Variants in TRMT44 observed in about 807,000 individuals in gnomAD.
TRMT44 encodes probable tRNA (uracil-O(2)-)-methyltransferase.
In TRMT44, 78 loss-of-function variants were observed where a neutral mutation model predicts 77.3. The observed-to-expected ratio is 1.01, with a 90% CI of 0.84 to 1.22. The LOEUF is 1.22. Ranked by LOEUF, TRMT44 falls within the 50% of genes most tolerant of loss-of-function variation. TRMT44 has a pLI of 0.00. For missense variants in TRMT44, 1,090 were observed against 964.4 expected (o/e 1.13, Z -1.73); for synonymous variants, 391 against 383.3 (o/e 1.02, Z -0.23).
intron 2 of TRMT44, among the ~76,000 whole-genome samples, chr4:8,449,356 C>G (rs936380885): frequency 1.2e-4 from 18 of 152,184 alleles, no homozygotes; most frequent in Non-Finnish European, 2.6e-4. Context: ...TAGGAAAATC[C>G]TTGGACGCTT....
intron 2 of TRMT44, among the ~76,000 whole-genome samples, chr4:8,449,055 C>T (rs552940572): frequency 2.0e-5 from 3 of 152,350 alleles, no homozygotes; most frequent in East Asian, 3.9e-4. Flanking sequence ...GCCAGTCCTC[C>T]CAAGGATTGT....
chr4:8,492,109 T>C (rs1728026193), intron 2 of TRMT44, among the ~76,000 whole-genome samples: 1 of 152,256 alleles, frequency 6.6e-6, no homozygotes, highest in East Asian at 1.9e-4. Context: ...GGCATCTGTT[T>C]CCAGAATAGC....
chr4:8,455,356 A>G (rs974576459), intron 6 of TRMT44, among the ~76,000 whole-genome samples: 3 of 152,228 alleles, frequency 2.0e-5, no homozygotes, highest in Non-Finnish European at 4.4e-5. Flanking sequence ...GAGCACCCCC[A>G]TGAGCAAGTG....
intron 2 of TRMT44, among the ~76,000 whole-genome samples, chr4:8,487,047 G>C (rs901302969): frequency 6.6e-6 from 1 of 152,172 alleles, no homozygotes; most frequent in African/African-American, 2.4e-5. Flanking sequence ...CAGAGACTAG[G>C]AAGGGACTGA....
Position 8,452,831 on chromosome 4 carries a change from T to G in TRMT44, c.1024-51T>G. On this transcript the variant is annotated intron_variant, in intron 4 of 10. Transcript: ENST00000389737. The surrounding 1 kb of genome is among the most constrained non-coding windows in gnomAD (Gnocchi z 5.7). ...GACCAGTTTGTGTCTAAATTATTCTTGCGTAGAGTGAATTACCACCTGACT... is the reference window on the plus strand; with the variant it reads ...GACCAGTTTGTGTCTAAATTATTCTGGCGTAGAGTGAATTACCACCTGACT... The G allele has an allele frequency of 9.2e-7, 1 of 1,090,878 alleles. No homozygotes were observed. The allele number at this position is 1,090,878 out of a possible 1,614,324, so 67.6% of individuals were successfully genotyped here. A position where few individuals can be genotyped will look rare whatever the true frequency, so the allele number is the denominator to read the frequency against.
At chr4:8,512,004 A>G in the TRMT44 span, 1 of 152,104 alleles carries the variant, frequency 6.6e-6, no homozygotes, top group Non-Finnish European at 1.5e-5. Context: ...ACTTTGTCAT[A>G]TGTTGAATTT....
rs966399674 is a variant in TRMT44, at chr4:8,444,666, G to A, written c.620-1810G>A. ...GCCTGCCTTGGCCTCCCAAAGTGCC[G>A]GGGTTACGGGCGTGAGCCACCTCTC... On this transcript the variant is annotated intron_variant, in intron 1 of 10. Coordinates refer to ENST00000389737, the MANE Select transcript of TRMT44 (RefSeq NM_152544.3). This position sits in a 1 kb window ranked among gnomAD's most constrained non-coding sequence, Gnocchi z 4.0. Among the ~76,000 whole-genome samples the A allele has an allele frequency of 9.2e-5, 14 of 152,322 alleles. No homozygotes were observed. Among genetic ancestry groups the A allele is most frequent in the African/African-American group, 3.4e-4 (14 of 41,576 alleles).
intron 2 of TRMT44, among the ~76,000 whole-genome samples, chr4:8,448,561 T>C (rs541047772): frequency 6.6e-6 from 1 of 152,326 alleles, no homozygotes; most frequent in South Asian, 2.1e-4. Flanking sequence ...GGAACGCCCC[T>C]TGGGCAGAAT....
At chr4:8,515,086 C>G in the TRMT44 span, among the ~76,000 whole-genome samples, 1 of 152,196 alleles carries the variant, frequency 6.6e-6, no homozygotes, top group Non-Finnish European at 1.5e-5. Flanking sequence ...CTAACTCAGC[C>G]TCCCTAGGAG....
chr4:8,442,792 G>C (rs897682480), intron 1 of TRMT44, among the ~76,000 whole-genome samples: 1 of 152,198 alleles, frequency 6.6e-6, no homozygotes, highest in African/African-American at 2.4e-5. Flanking sequence ...CAATGGGGTT[G>C]AATTCTTCTC....
intron 5 of TRMT44, 30 bp downstream of exon 5, chr4:8,453,019 T>TTACCAGAA: frequency 7.3e-7 from 1 of 1,361,728 alleles, no homozygotes; most frequent in Non-Finnish European, 9.8e-7. Flanking sequence ...CCTTTTCTGG[T>TTACCAGAA]AACTTGTCCA....
chr4:8,464,806 A>G (rs1319410935), intron 7 of TRMT44, among the ~76,000 whole-genome samples: 1 of 152,200 alleles, frequency 6.6e-6, no homozygotes, highest in Non-Finnish European at 1.5e-5. Context: ...AAGATATACT[A>G]TGTTGCTTTA....
At chr4:8,482,976 G>C (rs964928927) in intron 2 of TRMT44, among the ~76,000 whole-genome samples, 19 of 152,188 alleles carry the variant, frequency 1.2e-4, no homozygotes, top group South Asian at 8.3e-4. Flanking sequence ...ATGAGGGGCG[G>C]TGTGGGAACC....
At position 8,440,940 on chromosome 4, in the gene TRMT44, G is replaced by T. The variant is rs1008512865; in HGVS notation, c.118G>T (p.Gly40Cys). ...GCAGGTGGCAAACAAACGGCTTTGC[G>T]GCGCCCGCCTGGAGGCCCGCTGGAG... ...RPQVANKRLC[G>C]ARLEARWSAA... The change falls in exon 1 of 11, where the codon GGC (glycine) becomes TGC (cysteine). Residue 40 changes from glycine to cysteine, a missense_variant. By Grantham distance (159) the Gly-to-Cys change is radical. Transcript: ENST00000389737. The T allele has an allele frequency of 4.1e-5, 63 of 1,529,706 alleles. No homozygotes were observed. Among genetic ancestry groups the T allele is most frequent in the Non-Finnish European group, 5.1e-5 (58 of 1,145,262 alleles). The allele number at this position is 1,529,706 out of a possible 1,614,324, so 94.8% of individuals were successfully genotyped here.
intron 9 of TRMT44, 63 bp from the exon 10 acceptor site, chr4:8,471,021 G>A (rs1726954008): frequency 8.7e-7 from 1 of 1,152,358 alleles, no homozygotes. Context: ...GTTTCTGCCT[G>A]TGTGACAGGT....
intron 9 of TRMT44, chr4:8,470,878 T>G (rs1014889500): frequency 2.0e-6 from 1 of 498,476 alleles, no homozygotes; most frequent in Non-Finnish European, 3.6e-6. Flanking sequence ...CTTGTCAGGC[T>G]GTGCCACCTT....
chr4:8,500,965 C>G, the TRMT44 span, among the ~76,000 whole-genome samples: 1 of 152,158 alleles, frequency 6.6e-6, no homozygotes, highest in East Asian at 1.9e-4. Flanking sequence ...TGCTGGGACC[C>G]CCACCCTGTG....
chr4:8,457,089 C>T (rs1725859135), intron 6 of TRMT44, among the ~76,000 whole-genome samples: 1 of 146,658 alleles, frequency 6.8e-6, no homozygotes, highest in African/African-American at 2.5e-5. Context: ...GAAAGGATGT[C>T]TGCCTGAACA....
the TRMT44 span, among the ~76,000 whole-genome samples, chr4:8,498,934 A>G: frequency 6.6e-6 from 1 of 152,020 alleles, no homozygotes; most frequent in Non-Finnish European, 1.5e-5. The surrounding 1 kb of genome is among the most constrained non-coding windows in gnomAD (Gnocchi z 4.3). Flanking sequence ...AGTTGCCCAG[A>G]GGAGGTACCC....
Sources: allele counts gnomAD v4.1 joint callset (sites outside exome capture counted in the v4.1 genomes callset), GRCh38; gene constraint gnomAD v4.1.1; non-coding constraint Gnocchi (gnomAD v3.1); transcripts MANE v1.5; gene names NCBI Gene and HGNC (gene_info 2026-07-23, HGNC 2026-07-21).